TAFA1: variants seen among roughly 807,000 people sequenced by gnomAD.
TAFA1 encodes the protein TAFA chemokine like family member 1, also known as chemokine-like protein TAFA-1.
In TAFA1, 4 loss-of-function variants were observed where a neutral mutation model predicts 18.5. The ratio of observed to expected loss-of-function variants is 0.22; its 90% CI spans 0.11 to 0.49. TAFA1 has a LOEUF of 0.49. Among genes scored for constraint, TAFA1 ranks in the 20% least tolerant of loss-of-function variants. The pLI, the probability that TAFA1 is intolerant of heterozygous loss-of-function variation, is 0.98. For missense variants in TAFA1, 147 were observed against 169.0 expected (o/e 0.87, Z 0.72); for synonymous variants, 56 against 55.2 (o/e 1.01, Z -0.06).
chr3:68,057,920 A>G (rs2064556172), intron 2 of TAFA1, among the ~76,000 whole-genome samples: 1 of 152,172 alleles, frequency 6.6e-6, no homozygotes, highest in African/African-American at 2.4e-5. Flanking sequence ...CTTCAGAAGG[A>G]GTGCAGCCCT....
rs149469089 is a variant in TAFA1 at position 68,278,637 on chromosome 3, C to G, written c.119-138643C>G. Among the ~76,000 whole-genome samples, 1,126 of 152,214 alleles carry G rather than the reference C, an allele frequency of 7.4e-3. 4 individuals are homozygous for G. Among genetic ancestry groups the G allele is most frequent in the Non-Finnish European group, 0.012 (782 of 67,994 alleles). ...GCCTGGGTAGATAGTATTACTTGAT[C>G]AATATATCTTTTAGCTGTAAGCCCA... is the stretch of plus-strand genomic sequence containing the variant. On this transcript the variant is annotated intron_variant, in intron 2 of 4. Transcript: ENST00000478136.
intron 2 of TAFA1, among the ~76,000 whole-genome samples, chr3:68,206,849 A>G (rs1156771160): frequency 6.6e-6 from 1 of 151,898 alleles, no homozygotes; most frequent in Non-Finnish European, 1.5e-5. Flanking sequence ...CCTAGCCCGG[A>G]GAAAGAAATA....
intron 2 of TAFA1, among the ~76,000 whole-genome samples, chr3:68,050,548 A>G (rs2106701318): frequency 6.6e-6 from 1 of 152,256 alleles, no homozygotes; most frequent in African/African-American, 2.4e-5. Flanking sequence ...AATGTGTACA[A>G]AAGTACCTGA....
At chr3:68,505,006 G>A (rs1477666264) in intron 3 of TAFA1, among the ~76,000 whole-genome samples, 1 of 152,084 alleles carries the variant, frequency 6.6e-6, no homozygotes, top group African/African-American at 2.4e-5. Context: ...GTTGCGAGTA[G>A]GGGTGAGAAG....
At chr3:68,530,309 C>T (rs1308079695) in intron 3 of TAFA1, among the ~76,000 whole-genome samples, 1 of 152,164 alleles carries the variant, frequency 6.6e-6, no homozygotes, top group Non-Finnish European at 1.5e-5. Context: ...TAATGAAAAA[C>T]AGATTTCTGC....
chr3:68,189,130 ATGT>A (rs1183160470), intron 2 of TAFA1, among the ~76,000 whole-genome samples: 1 of 151,882 alleles, frequency 6.6e-6, no homozygotes, highest in Admixed American at 6.6e-5. Context: ...GTGAGGACTA[ATGT>A]TGTTCATCAT....
chr3:68,069,467 G>A (rs908996223), intron 2 of TAFA1, among the ~76,000 whole-genome samples: 4 of 152,128 alleles, frequency 2.6e-5, no homozygotes, highest in African/African-American at 9.7e-5. Flanking sequence ...CACAACACAT[G>A]GGACTTGTGG....
At chr3:68,530,986 C>T (rs2073179858) in intron 3 of TAFA1, among the ~76,000 whole-genome samples, 1 of 150,844 alleles carries the variant, frequency 6.6e-6, no homozygotes. Context: ...CTAGAAGGCA[C>T]TGAATTAGCA....
intron 2 of TAFA1, among the ~76,000 whole-genome samples, chr3:68,016,737 G>A (rs1316300442): frequency 6.6e-6 from 1 of 152,104 alleles, no homozygotes; most frequent in East Asian, 1.9e-4. Flanking sequence ...AAATTTGCTT[G>A]TATGGTGATG....
chr3:68,329,650 C>T (rs1057349406), intron 2 of TAFA1, among the ~76,000 whole-genome samples: 2 of 152,116 alleles, frequency 1.3e-5, no homozygotes, highest in Non-Finnish European at 2.9e-5. Context: ...TGACCATTGG[C>T]TTTCTACAAG....
intron 2 of TAFA1, among the ~76,000 whole-genome samples, chr3:68,115,939 T>C (rs985677728): frequency 2.0e-5 from 3 of 152,178 alleles, no homozygotes; most frequent in African/African-American, 7.2e-5. Flanking sequence ...AGTAATGATA[T>C]GGAAGACCAC....
intron 3 of TAFA1, among the ~76,000 whole-genome samples, chr3:68,462,171 A>G (rs1219450890): frequency 2.6e-5 from 4 of 152,070 alleles, no homozygotes; most frequent in Non-Finnish European, 5.9e-5. Flanking sequence ...CTACACTTAT[A>G]TTTTTCAAAA....
intron 3 of TAFA1, among the ~76,000 whole-genome samples, chr3:68,427,969 G>A (rs1575857379): frequency 1.3e-5 from 2 of 152,054 alleles, no homozygotes. Flanking sequence ...CCTCAGCCAT[G>A]TGAAACTATG....
intron 2 of TAFA1, among the ~76,000 whole-genome samples, chr3:68,233,632 A>AT (rs920365959): frequency 1.7e-4 from 25 of 151,046 alleles, no homozygotes; most frequent in South Asian, 6.3e-4. Context: ...AAATTTTAGG[A>AT]TTTTTTTTTC....
At chr3:68,155,100 C>G (rs554299885) in intron 2 of TAFA1, among the ~76,000 whole-genome samples, 1 of 152,220 alleles carries the variant, frequency 6.6e-6, no homozygotes, top group East Asian at 1.9e-4. Context: ...AACATTTCTC[C>G]CATTTTAAGA....
At chr3:68,372,540 T>G (rs1050527253) in intron 2 of TAFA1, among the ~76,000 whole-genome samples, 1 of 152,164 alleles carries the variant, frequency 6.6e-6, no homozygotes, top group Non-Finnish European at 1.5e-5. Context: ...GTGGTCAAAA[T>G]GCCATTTTTA....
chr3:68,422,399 T>G (rs1377968059), intron 3 of TAFA1, among the ~76,000 whole-genome samples: 2 of 152,142 alleles, frequency 1.3e-5, no homozygotes, highest in Admixed American at 6.6e-5. Flanking sequence ...ACGTTTGTCC[T>G]AAACATATTC....
intron 2 of TAFA1, among the ~76,000 whole-genome samples, chr3:68,308,400 C>T (rs1410436021): frequency 6.6e-6 from 1 of 152,094 alleles, no homozygotes; most frequent in Non-Finnish European, 1.5e-5. Flanking sequence ...CCTATACTAC[C>T]TGTTACCTGT....
At chr3:68,147,535 G>A (rs944115203) in intron 2 of TAFA1, among the ~76,000 whole-genome samples, 1 of 151,890 alleles carries the variant, frequency 6.6e-6, no homozygotes, top group Non-Finnish European at 1.5e-5. Flanking sequence ...AGCCTCTCCT[G>A]TCTCCTCTAG....
Sources: gnomAD v4.1 joint callset for allele counts (sites outside exome capture counted in the v4.1 genomes callset) on GRCh38, gnomAD v4.1.1 for gene constraint, MANE v1.5 for transcripts, NCBI Gene and HGNC (gene_info 2026-07-23, HGNC 2026-07-21) for gene names.